VAMP7: variants seen among roughly 807,000 people sequenced by gnomAD.
VAMP7 encodes the protein vesicle associated membrane protein 7.
In VAMP7, 14 loss-of-function variants were observed where a neutral mutation model predicts 29.6. The observed-to-expected ratio is 0.47, with a 90% CI of 0.31 to 0.74. VAMP7 has a LOEUF of 0.74. VAMP7 is among the 30% of genes least tolerant of loss of function. VAMP7 has a pLI of 0.05. For synonymous variants in VAMP7, 95 were observed against 88.1 expected (o/e 1.08, Z -0.44); for missense variants, 223 against 262.4 (o/e 0.85, Z 1.04).
In VAMP7 at chrX:155,919,907, G is replaced by A. The variant is rs747060033; in HGVS notation, c.501+27G>A. 1.7e-5 allele frequency: 26 copies of A among 1,566,188 alleles called. No homozygotes were observed. The South Asian group carries it at 2.6e-4, about 16-fold the overall frequency. Reference sequence around the variant, plus strand: ...TAAGTATGGAATCTGATAATATGGAGTCTGATGTAAAGTGGAGAAACTATG... The same window carrying A: ...TAAGTATGGAATCTGATAATATGGAATCTGATGTAAAGTGGAGAAACTATG... On this transcript the variant is annotated intron_variant, in intron 6 of 7. Transcript: ENST00000286448.
intron 5 of VAMP7, among the ~76,000 whole-genome samples, 194 bp from the exon 6 acceptor site, chrX:155,919,619 G>T (rs1263145180): frequency 3.9e-5 from 6 of 152,222 alleles, no homozygotes; most frequent in African/African-American, 1.4e-4. Flanking sequence ...TGGAGGCTGT[G>T]GTGAAGTTTT....
At chrX:155,937,570 GA>G (rs1794385005) in intron 6 of VAMP7, among the ~76,000 whole-genome samples, 3 of 152,058 alleles carry the variant, frequency 2.0e-5, no homozygotes, top group African/African-American at 7.2e-5. Context: ...CTTCAAGGCA[GA>G]AAAAAATAAA....
At chrX:155,912,839 A>G (rs1310466647) in intron 5 of VAMP7, among the ~76,000 whole-genome samples, 1 of 152,162 alleles carries the variant, frequency 6.6e-6, no homozygotes, top group Admixed American at 6.5e-5. Context: ...ATGTGTCTTT[A>G]TAGTAAAATG....
intron 4 of VAMP7, among the ~76,000 whole-genome samples, chrX:155,899,422 T>C (rs758860208): frequency 6.6e-6 from 1 of 152,106 alleles, no homozygotes; most frequent in South Asian, 2.1e-4. Flanking sequence ...TATTTGAGTA[T>C]AAAGACGTAA....
At position 155,943,437 on chromosome X, in the gene VAMP7, T is replaced by G. The variant is rs2066776196; in HGVS notation, c.*1486T>G. 1 of 152,516 alleles carries G rather than the reference T, an allele frequency of 6.6e-6. No individual in the cohort carries two copies. The highest frequency in any genetic ancestry group is 6.6e-5 in the Admixed American group (1 of 15,252). 9.4% of individuals were successfully genotyped at this position (152,516 alleles called of 1,614,324 possible). A position where few individuals can be genotyped will look rare whatever the true frequency, so the allele number is the denominator to read the frequency against. On this transcript the variant is annotated 3_prime_UTR_variant, in exon 8 of 8. Transcript: ENST00000286448. ...CCCACTTGAACTCTTTTCTTGTTTATCTAGCATAGCACAAACGTTTTTCCA... is the reference window on the plus strand; with the variant it reads ...CCCACTTGAACTCTTTTCTTGTTTAGCTAGCATAGCACAAACGTTTTTCCA...
At chrX:155,887,618 C>T (rs191138793) in intron 1 of VAMP7, among the ~76,000 whole-genome samples, 84 of 152,114 alleles carry the variant, frequency 5.5e-4, no homozygotes, top group Admixed American at 1.3e-3. Context: ...AGAGATAATG[C>T]GTAACGATGC....
At chrX:155,906,902 A>T (rs1422322178) in intron 5 of VAMP7, among the ~76,000 whole-genome samples, 1 of 152,052 alleles carries the variant, frequency 6.6e-6, no homozygotes. Context: ...TCTTAGGGAG[A>T]TCTTGAAGAA....
chrX:155,904,464 A>G (rs1224920311), intron 5 of VAMP7, among the ~76,000 whole-genome samples: 2 of 152,160 alleles, frequency 1.3e-5, no homozygotes, highest in East Asian at 1.9e-4. Flanking sequence ...CACATATCAT[A>G]TAATTCACCC....
At chrX:155,920,032 G>A (rs2066373190) in intron 6 of VAMP7, 152 bp downstream of exon 6, 1 of 676,648 alleles carries the variant, frequency 1.5e-6, no homozygotes, top group Non-Finnish European at 2.5e-6. Context: ...TAATAATGAG[G>A]ATAACAATGA....
chrX:155,886,376 C>A (rs1319002312), intron 1 of VAMP7, among the ~76,000 whole-genome samples: 1 of 152,106 alleles, frequency 6.6e-6, no homozygotes, highest in South Asian at 2.1e-4. Context: ...TTAGTGACAT[C>A]TGGAAGGAAA....
chrX:155,914,219 G>A (rs1326544101), intron 5 of VAMP7, among the ~76,000 whole-genome samples: 6 of 152,166 alleles, frequency 3.9e-5, no homozygotes, highest in Non-Finnish European at 8.8e-5. Context: ...TTTGCATTCT[G>A]ATACTTTGCT....
At chrX:155,889,366 T>C (rs1271686013) in intron 1 of VAMP7, 92 bp from the exon 2 acceptor site, 6 of 1,497,730 alleles carry the variant, frequency 4.0e-6, no homozygotes, top group Admixed American at 2.0e-5. Context: ...AGATACTATC[T>C]CCAGGTAGTA....
chrX:155,922,313 G>A (rs1454563746), intron 6 of VAMP7, among the ~76,000 whole-genome samples: 9 of 151,850 alleles, frequency 5.9e-5, no homozygotes, highest in Admixed American at 2.0e-4. Context: ...ATCTTGTGGG[G>A]AAAAATTCAA....
intron 1 of VAMP7, among the ~76,000 whole-genome samples, chrX:155,886,123 T>C (rs768889229): frequency 2.6e-3 from 393 of 152,308 alleles, no homozygotes; most frequent in African/African-American, 8.9e-3. Flanking sequence ...TTTCATTCTT[T>C]TTCTTCTTGG....
intron 5 of VAMP7, among the ~76,000 whole-genome samples, chrX:155,902,057 G>T (rs1338384085): frequency 2.0e-5 from 3 of 152,098 alleles, no homozygotes; most frequent in Non-Finnish European, 2.9e-5. Context: ...CTGAGCAGTG[G>T]TTTGTAGTTC....
chrX:155,885,614 GGAGTAGAGTGGGCCCTTTATCCAATAT>G (rs2065855949), intron 1 of VAMP7, among the ~76,000 whole-genome samples: 1 of 152,150 alleles, frequency 6.6e-6, no homozygotes, highest in South Asian at 2.1e-4. Context: ...GGGTCATACT[GGAGTAGAGTGGGCCCTTTATCCAATAT>G]GACTGGCATC....
intron 5 of VAMP7, among the ~76,000 whole-genome samples, chrX:155,904,365 T>G (rs1172649820): frequency 3.5e-5 from 3 of 85,770 alleles, no homozygotes; most frequent in African/African-American, 1.8e-4. Flanking sequence ...AATAATAAAA[T>G]AAAATAAAAA....
intron 1 of VAMP7, among the ~76,000 whole-genome samples, chrX:155,883,042 A>C (rs1345685133): frequency 2.6e-5 from 4 of 152,144 alleles, no homozygotes; most frequent in African/African-American, 4.8e-5. Flanking sequence ...ACTTTATTGC[A>C]TTTATTTATA....
intron 2 of VAMP7, among the ~76,000 whole-genome samples, chrX:155,891,829 T>G (rs1215275904): frequency 2.0e-5 from 3 of 152,224 alleles, no homozygotes; most frequent in African/African-American, 4.8e-5. Flanking sequence ...TTTGTAGTCC[T>G]CTTGCTGCCA....
Sources: gnomAD v4.1 joint callset for allele counts (sites outside exome capture counted in the v4.1 genomes callset) on GRCh38, gnomAD v4.1.1 for gene constraint, MANE v1.5 for transcripts, NCBI Gene and HGNC (gene_info 2026-07-23, HGNC 2026-07-21) for gene names.